ATRNL1: variants seen among roughly 807,000 people sequenced by gnomAD.
The protein encoded by ATRNL1 is attractin-like protein 1.
A neutral mutation model predicts 182.7 loss-of-function variants in ATRNL1; 95 were observed. That is an observed-to-expected ratio of 0.52 (90% CI 0.44 to 0.62). The LOEUF (loss-of-function observed/expected upper bound fraction) is 0.62. Ranked by LOEUF, ATRNL1 falls within the 20% of genes least tolerant of loss-of-function variation. The probability of loss-of-function intolerance (pLI) is 0.00; values close to 1 mark genes in which losing one functional copy is unlikely to be tolerated. For synonymous variants in ATRNL1, 576 were observed against 568.3 expected (o/e 1.01, Z -0.19); for missense variants, 1,471 against 1,679.5 (o/e 0.88, Z 2.17).
intron 20 of ATRNL1, among the ~76,000 whole-genome samples, chr10:115,408,283 G>GC (rs1301006975): frequency 3.4e-4 from 52 of 152,196 alleles, no homozygotes; most frequent in African/African-American, 1.2e-3. Flanking sequence ...GATTACAGGC[G>GC]TGAGCCACCG....
chr10:115,377,000 ACT>A (rs1235622263), intron 19 of ATRNL1, among the ~76,000 whole-genome samples: 3 of 148,588 alleles, frequency 2.0e-5, no homozygotes, highest in Non-Finnish European at 4.5e-5. Context: ...TGCTGTTTAA[ACT>A]CTCTATTGTG....
chr10:115,601,569 A>T (rs868994878), intron 26 of ATRNL1, among the ~76,000 whole-genome samples: 2 of 152,204 alleles, frequency 1.3e-5, no homozygotes, highest in Middle Eastern at 3.4e-3. Flanking sequence ...GCTTGCATGC[A>T]GTTTTAGGAT....
intron 24 of ATRNL1, among the ~76,000 whole-genome samples, chr10:115,518,268 T>C (rs1317744211): frequency 6.6e-6 from 1 of 151,910 alleles, no homozygotes; most frequent in Non-Finnish European, 1.5e-5. Flanking sequence ...TTCACCTAGT[T>C]TTCCAGTTGT....
intron 28 of ATRNL1, among the ~76,000 whole-genome samples, chr10:115,896,614 C>T (rs1565469046): frequency 1.3e-5 from 2 of 152,032 alleles, no homozygotes; most frequent in Non-Finnish European, 2.9e-5. Flanking sequence ...GAGATTAAAA[C>T]AATGTGGGCT....
intron 26 of ATRNL1, among the ~76,000 whole-genome samples, chr10:115,584,760 C>A (rs1218079103): frequency 1.3e-5 from 2 of 152,192 alleles, no homozygotes; most frequent in East Asian, 1.9e-4. Context: ...CAGTTTTGCT[C>A]TGACTTTAGT....
intron 26 of ATRNL1, among the ~76,000 whole-genome samples, chr10:115,635,040 A>T (rs935575484): frequency 6.6e-5 from 10 of 152,154 alleles, no homozygotes; most frequent in African/African-American, 2.4e-4. Context: ...TAAATGTGAA[A>T]ACAAAATATT....
At chr10:115,752,203 A>G (rs1948468552) in intron 27 of ATRNL1, among the ~76,000 whole-genome samples, 1 of 152,028 alleles carries the variant, frequency 6.6e-6, no homozygotes, top group South Asian at 2.1e-4. Flanking sequence ...ATTCATTATG[A>G]CCTCATCATC....
chr10:115,159,823 C>T lies in ATRNL1; in HGVS notation c.830-217C>T, dbSNP rs149373732. Among the ~76,000 whole-genome samples, 48 of 151,812 alleles carry T rather than the reference C, an allele frequency of 3.2e-4. 2 individuals are homozygous for T. The East Asian group carries it at 8.7e-3, about 27-fold the overall frequency. On this transcript the variant is annotated intron_variant, in intron 5 of 28. Coordinates refer to ENST00000355044, the MANE Select transcript of ATRNL1 (RefSeq NM_207303.4). ...TTTAAAATTGTGAAATTTATTTGAACATCCAAGTCCGATTGTGAGTATATG... is the reference window on the plus strand; with the variant it reads ...TTTAAAATTGTGAAATTTATTTGAATATCCAAGTCCGATTGTGAGTATATG...
At chr10:115,165,880 C>T (rs1237234022) in intron 7 of ATRNL1, among the ~76,000 whole-genome samples, 1 of 151,934 alleles carries the variant, frequency 6.6e-6, no homozygotes, top group Admixed American at 6.6e-5. Context: ...TCTATTTATG[C>T]CTAGTCAATC....
chr10:115,516,389 T>C (rs1181696761), intron 24 of ATRNL1, among the ~76,000 whole-genome samples: 4 of 151,706 alleles, frequency 2.6e-5, no homozygotes, highest in Admixed American at 2.6e-4. Flanking sequence ...CTCTAAATTA[T>C]GTACCTAACT....
chr10:115,151,569 G>GT (rs1410130032), intron 5 of ATRNL1, among the ~76,000 whole-genome samples: 1 of 152,032 alleles, frequency 6.6e-6, no homozygotes, highest in Non-Finnish European at 1.5e-5. Context: ...TGATGGGGTT[G>GT]TTTTTTTCTT....
At chr10:115,924,459 C>G (rs1171861469) in intron 28 of ATRNL1, among the ~76,000 whole-genome samples, 4 of 152,056 alleles carry the variant, frequency 2.6e-5, no homozygotes, top group African/African-American at 9.7e-5. Flanking sequence ...TTTCAGTTTT[C>G]TGCATATGGC....
intron 1 of ATRNL1, among the ~76,000 whole-genome samples, chr10:115,094,277 T>A (rs2084956841): frequency 6.6e-6 from 1 of 152,168 alleles, no homozygotes; most frequent in African/African-American, 2.4e-5. Context: ...AACGGGGAGC[T>A]AGGCATTTCT....
At chr10:115,528,027 C>CT (rs1565133415) in intron 25 of ATRNL1, among the ~76,000 whole-genome samples, 32 of 47,458 alleles carry the variant, frequency 6.7e-4, no homozygotes, top group African/African-American at 3.0e-3. Flanking sequence ...CCTTCCTTCC[C>CT]TCCTTCCTTT....
At chr10:115,198,940 G>A (rs1353556933) in intron 8 of ATRNL1, among the ~76,000 whole-genome samples, 1 of 152,074 alleles carries the variant, frequency 6.6e-6, no homozygotes, top group Non-Finnish European at 1.5e-5. Context: ...CTAATGGGAG[G>A]CCTCTGGATT....
Position 115,732,012 on chromosome 10 carries a change from G to C in ATRNL1, c.3903+4657G>C, listed in dbSNP as rs76623950. ...TGTTAGTGCTTCATTCATTTCTATT[G>C]TCAAATGATATTCCATTGTATGGAT... On this transcript the variant is annotated intron_variant, in intron 27 of 28. Coordinates refer to ENST00000355044, the MANE Select transcript of ATRNL1 (RefSeq NM_207303.4). Among the ~76,000 whole-genome samples the C allele has an allele frequency of 5.3e-5, 8 of 152,170 alleles. No individual in the cohort carries two copies. The East Asian group carries it at 1.5e-3, about 29-fold the overall frequency.
intron 24 of ATRNL1, among the ~76,000 whole-genome samples, chr10:115,497,812 C>G (rs1554978823): frequency 6.6e-6 from 1 of 152,042 alleles, no homozygotes; most frequent in Non-Finnish European, 1.5e-5. Context: ...CATGTGCCAC[C>G]ATGTCCAGCT....
At chr10:115,631,620 T>C (rs1035117464) in intron 26 of ATRNL1, among the ~76,000 whole-genome samples, 1 of 152,028 alleles carries the variant, frequency 6.6e-6, no homozygotes, top group African/African-American at 2.4e-5. Flanking sequence ...ACATAATTGT[T>C]GAGGCCAGAT....
intron 1 of ATRNL1, among the ~76,000 whole-genome samples, chr10:115,095,640 A>C (rs1175740141): frequency 6.6e-6 from 1 of 152,144 alleles, no homozygotes; most frequent in Non-Finnish European, 1.5e-5. Context: ...ATGCTGATTA[A>C]AAGTTTAAAA....
Sources: gnomAD v4.1 joint callset for allele counts (sites outside exome capture counted in the v4.1 genomes callset) on GRCh38, gnomAD v4.1.1 for gene constraint, MANE v1.5 for transcripts, NCBI Gene and HGNC (gene_info 2026-07-23, HGNC 2026-07-21) for gene names.